Variants in SHISA9 observed in about 807,000 individuals in gnomAD.
The protein encoded by SHISA9 is shisa family member 9.
SHISA9 carries 13 observed loss-of-function variants against 38.0 expected under a neutral mutation model. That is an observed-to-expected ratio of 0.34 (90% CI 0.22 to 0.54). The LOEUF is 0.54. Ranked by LOEUF, SHISA9 falls within the 20% of genes least tolerant of loss-of-function variation. The probability of loss-of-function intolerance (pLI) is 0.91; values close to 1 mark genes in which losing one functional copy is unlikely to be tolerated. For missense variants in SHISA9, 538 were observed against 575.8 expected (o/e 0.93, Z 0.67); for synonymous variants, 275 against 242.0 (o/e 1.14, Z -1.27).
the SHISA9 span, among the ~76,000 whole-genome samples, chr16:13,328,606 AC>A: frequency 3.6e-5 from 5 of 139,924 alleles, no homozygotes; most frequent in African/African-American, 1.1e-4. Flanking sequence ...ACACACACAC[AC>A]ACACACACAC....
At chr16:12,985,233 A>ATAAATAAG (rs1195995501) in intron 2 of SHISA9, among the ~76,000 whole-genome samples, 5 of 127,114 alleles carry the variant, frequency 3.9e-5, no homozygotes, top group African/African-American at 1.4e-4. Flanking sequence ...AAATAAATAA[A>ATAAATAAG]TAAATAAGTA....
At chr16:12,929,908 A>C (rs2071441682) in intron 2 of SHISA9, among the ~76,000 whole-genome samples, 1 of 152,204 alleles carries the variant, frequency 6.6e-6, no homozygotes, top group Admixed American at 6.5e-5. Context: ...AGATCTTTGC[A>C]ATGCTGGCTC....
At chr16:13,229,394 G>A (rs959687036) in intron 4 of SHISA9, among the ~76,000 whole-genome samples, 7 of 152,186 alleles carry the variant, frequency 4.6e-5, no homozygotes, top group Non-Finnish European at 7.3e-5. Flanking sequence ...GACCTCAGGG[G>A]AGAGGCAGCT....
chr16:13,006,955 C>G (rs573864441), intron 2 of SHISA9, among the ~76,000 whole-genome samples: 28 of 152,324 alleles, frequency 1.8e-4, no homozygotes, highest in Middle Eastern at 6.8e-3. Context: ...CTTCAGCTCT[C>G]TTTCTGTCAC....
chr16:13,259,386 C>T, the SHISA9 span, among the ~76,000 whole-genome samples: 1 of 152,170 alleles, frequency 6.6e-6, no homozygotes, highest in Non-Finnish European at 1.5e-5. Flanking sequence ...CTTTTTGAGG[C>T]ACATAGTGCA....
the SHISA9 span, among the ~76,000 whole-genome samples, chr16:13,464,101 C>T: frequency 6.6e-6 from 1 of 152,208 alleles, no homozygotes; most frequent in African/African-American, 2.4e-5. Flanking sequence ...CTTTCCATGC[C>T]TCAGTTACCT....
At chr16:13,021,754 C>T (rs1050517724) in intron 2 of SHISA9, among the ~76,000 whole-genome samples, 3 of 152,154 alleles carry the variant, frequency 2.0e-5, no homozygotes, top group African/African-American at 7.2e-5. Context: ...TAGAATACCC[C>T]CTGTGTCATT....
the SHISA9 span, among the ~76,000 whole-genome samples, chr16:13,527,546 G>A: frequency 6.6e-6 from 1 of 152,180 alleles, no homozygotes; most frequent in Admixed American, 6.5e-5. Context: ...AGGTAGTGGC[G>A]TCAGCAGTCA....
At chr16:13,114,465 CAAA>C (rs58742818) in intron 2 of SHISA9, among the ~76,000 whole-genome samples, 2 of 51,020 alleles carry the variant, frequency 3.9e-5, no homozygotes, top group African/African-American at 7.4e-5. Context: ...GATTCCATCT[CAAA>C]AAAAAAAAAA....
chr16:13,404,021 C>T, the SHISA9 span, among the ~76,000 whole-genome samples: 2 of 152,156 alleles, frequency 1.3e-5, no homozygotes, highest in Non-Finnish European at 2.9e-5. Context: ...AACCAAAAGG[C>T]ACGTCTTGTA....
At chr16:13,295,159 G>T in the SHISA9 span, among the ~76,000 whole-genome samples, 2 of 152,062 alleles carry the variant, frequency 1.3e-5, no homozygotes, top group Admixed American at 1.3e-4. Flanking sequence ...TTTTTAATTA[G>T]AAATGCAGAC....
chr16:13,403,973 T>G, the SHISA9 span, among the ~76,000 whole-genome samples: 7 of 152,304 alleles, frequency 4.6e-5, 1 homozygote, highest in Middle Eastern at 0.01. Context: ...GAGTTTGATG[T>G]TTCTTCTCTA....
the SHISA9 span, among the ~76,000 whole-genome samples, chr16:13,452,926 T>G: frequency 1.3e-5 from 2 of 151,818 alleles, no homozygotes; most frequent in African/African-American, 4.8e-5. Flanking sequence ...CTTTTCTTTT[T>G]AAGACAGAGT....
chr16:13,291,179 G>A, the SHISA9 span, among the ~76,000 whole-genome samples: 4 of 152,098 alleles, frequency 2.6e-5, no homozygotes, highest in African/African-American at 9.7e-5. Flanking sequence ...TCTCAGAGAA[G>A]CATTTCAAGA....
chr16:13,045,157 G>A (rs538534814), intron 2 of SHISA9, among the ~76,000 whole-genome samples: 2 of 152,300 alleles, frequency 1.3e-5, no homozygotes, highest in East Asian at 1.9e-4. Context: ...TTTAAGAAAT[G>A]TATTTAGGCT....
intron 2 of SHISA9, among the ~76,000 whole-genome samples, chr16:13,110,205 G>C (rs2073964211): frequency 1.3e-5 from 2 of 152,172 alleles, no homozygotes; most frequent in Non-Finnish European, 2.9e-5. Context: ...GGAATGTTCA[G>C]GTCCTTCCAT....
chr16:13,352,508 T>C, the SHISA9 span, among the ~76,000 whole-genome samples: 1 of 151,954 alleles, frequency 6.6e-6, no homozygotes, highest in East Asian at 1.9e-4. Context: ...CTTGTTACAA[T>C]ATAAGCAGGA....
At chr16:13,356,483 G>T in the SHISA9 span, among the ~76,000 whole-genome samples, 24 of 152,160 alleles carry the variant, frequency 1.6e-4, no homozygotes, top group African/African-American at 5.8e-4. Flanking sequence ...AAATTGCTGG[G>T]CAGGAGGGGG....
chr16:12,989,788 G>C (rs565629139), intron 2 of SHISA9, among the ~76,000 whole-genome samples: 1 of 151,946 alleles, frequency 6.6e-6, no homozygotes, highest in African/African-American at 2.4e-5. Context: ...TTCGACTTTT[G>C]CTTTATGTTC....
Sources: gnomAD v4.1 joint callset for allele counts (sites outside exome capture counted in the v4.1 genomes callset) on GRCh38, gnomAD v4.1.1 for gene constraint, MANE v1.5 for transcripts, NCBI Gene and HGNC (gene_info 2026-07-23, HGNC 2026-07-21) for gene names.